Variants in AGPAT3 observed in about 807,000 individuals in gnomAD.
AGPAT3 encodes 1-acylglycerol-3-phosphate O-acyltransferase 3, also known as 1-acyl-sn-glycerol-3-phosphate acyltransferase gamma.
A neutral mutation model predicts 47.3 loss-of-function variants in AGPAT3; 5 were observed. The observed-to-expected ratio is 0.11, with a 90% CI of 0.06 to 0.22. AGPAT3 has a LOEUF of 0.22. Ranked by LOEUF, AGPAT3 falls within the 10% of genes least tolerant of loss-of-function variation. AGPAT3 has a pLI of 1.00. For synonymous variants in AGPAT3, 212 were observed against 208.3 expected (o/e 1.02, Z -0.15); for missense variants, 315 against 493.0 (o/e 0.64, Z 3.42).
At chr21:43,870,532 T>C (rs1331930452) in intron 1 of AGPAT3, among the ~76,000 whole-genome samples, 2 of 150,802 alleles carry the variant, frequency 1.3e-5, no homozygotes, top group Non-Finnish European at 2.9e-5. Context: ...GCCAACATGA[T>C]GAAACCCCAT....
intron 1 of AGPAT3, among the ~76,000 whole-genome samples, chr21:43,871,457 T>A (rs941814418): frequency 3.0e-4 from 45 of 152,380 alleles, no homozygotes; most frequent in African/African-American, 1.1e-3. Context: ...GTTTTCAGAA[T>A]GCATCCATAC....
intron 2 of AGPAT3, among the ~76,000 whole-genome samples, chr21:43,914,562 T>G (rs1390814097): frequency 1.3e-5 from 2 of 151,842 alleles, no homozygotes. Context: ...TGTTTTGTTT[T>G]GTTTTAGAGC....
At chr21:43,876,541 C>G (rs1036576745) in intron 1 of AGPAT3, among the ~76,000 whole-genome samples, 1 of 152,192 alleles carries the variant, frequency 6.6e-6, no homozygotes, top group Non-Finnish European at 1.5e-5. Flanking sequence ...AAGGGGATGT[C>G]TAAAGACATA....
At chr21:43,906,022 T>C (rs1457109155) in intron 2 of AGPAT3, among the ~76,000 whole-genome samples, 2 of 152,198 alleles carry the variant, frequency 1.3e-5, no homozygotes, top group African/African-American at 2.4e-5. Flanking sequence ...GGAGGACATT[T>C]TGAGAAGATG....
chr21:43,882,990 C>A (rs1321860323), intron 1 of AGPAT3, among the ~76,000 whole-genome samples: 1 of 152,250 alleles, frequency 6.6e-6, no homozygotes, highest in Non-Finnish European at 1.5e-5. Context: ...CACCTCCACG[C>A]AGGCCTGGAA....
chr21:43,980,848 G>C (rs1465689689), intron 8 of AGPAT3, 141 bp from the exon 9 acceptor site: 2 of 792,958 alleles, frequency 2.5e-6, no homozygotes, highest in Non-Finnish European at 2.0e-6. Context: ...TGCACCTGCA[G>C]CTTCTGTGAT....
chr21:43,942,710 C>T (rs1325035409), intron 2 of AGPAT3, among the ~76,000 whole-genome samples: 5 of 152,336 alleles, frequency 3.3e-5, no homozygotes, highest in African/African-American at 7.2e-5. Flanking sequence ...CCTGCAGCCA[C>T]GCCTGCCCGC....
intron 2 of AGPAT3, among the ~76,000 whole-genome samples, chr21:43,905,924 G>T (rs534384182): frequency 1.1e-4 from 17 of 152,328 alleles, no homozygotes; most frequent in South Asian, 2.1e-4. Context: ...AGGGTGTGGC[G>T]CACGTGGGCT....
intron 1 of AGPAT3, among the ~76,000 whole-genome samples, chr21:43,879,173 A>G (rs1017123965): frequency 1.3e-5 from 2 of 151,906 alleles, no homozygotes; most frequent in Non-Finnish European, 1.5e-5. Flanking sequence ...AACATAGCAA[A>G]ACCCTGTCTC....
chr21:43,875,458 C>G lies in AGPAT3; in HGVS notation c.-112+10113C>G, dbSNP rs556668894. The stretch of plus-strand genomic sequence containing the variant: ...TCAACCATACAGCATCTGCCTTATG[C>G]TTTGCTTTCTCATACCATCCTCCCA... On this transcript the variant is annotated intron_variant, in intron 1 of 9. Coordinates refer to ENST00000291572, the MANE Select transcript of AGPAT3 (RefSeq NM_020132.5). Among the ~76,000 whole-genome samples the G allele has an allele frequency of 2.0e-5, 3 of 152,318 alleles. No homozygotes were observed. The South Asian group carries it at 6.2e-4, about 32-fold the overall frequency.
intron 1 of AGPAT3, among the ~76,000 whole-genome samples, chr21:43,871,823 G>C (rs1286340334): frequency 6.6e-6 from 1 of 152,118 alleles, no homozygotes. Context: ...GCTGTAATGT[G>C]TGCATTATAT....
chr21:43,916,089 G>A (rs183602003), intron 2 of AGPAT3, among the ~76,000 whole-genome samples: 1 of 152,234 alleles, frequency 6.6e-6, no homozygotes, highest in East Asian at 1.9e-4. Flanking sequence ...CTAATTTCTA[G>A]GGAATATTGT....
chr21:43,938,055 G>A (rs1439439196), intron 2 of AGPAT3, among the ~76,000 whole-genome samples: 1 of 151,848 alleles, frequency 6.6e-6, no homozygotes, highest in Non-Finnish European at 1.5e-5. Context: ...TGTCTGGTGG[G>A]AGGGCTGCAT....
intron 2 of AGPAT3, among the ~76,000 whole-genome samples, chr21:43,956,934 C>G (rs2088497677): frequency 6.6e-6 from 1 of 152,222 alleles, no homozygotes; most frequent in Non-Finnish European, 1.5e-5. Flanking sequence ...ATGCAATGAC[C>G]AAGTCCAGGC....
chr21:43,936,016 G>C (rs1052924958), intron 2 of AGPAT3, among the ~76,000 whole-genome samples: 10 of 152,236 alleles, frequency 6.6e-5, no homozygotes, highest in African/African-American at 1.9e-4. Context: ...GCAAGGCCTA[G>C]GCCCCACTGC....
intron 2 of AGPAT3, among the ~76,000 whole-genome samples, chr21:43,948,687 A>G (rs1391358693): frequency 6.6e-6 from 1 of 152,246 alleles, no homozygotes; most frequent in Non-Finnish European, 1.5e-5. Context: ...TTGGTTGAGA[A>G]AACAGGCAAT....
At position 43,939,246 on chromosome 21, in the gene AGPAT3, A is replaced by G. The variant is rs1288910736; in HGVS notation, c.-48-20388A>G. Among the ~76,000 whole-genome samples the G allele has an allele frequency of 6.6e-6, 1 of 151,802 alleles. No individual in the cohort carries two copies. The highest frequency in any genetic ancestry group is 2.4e-5 in the African/African-American group (1 of 41,292). On this transcript the variant is annotated intron_variant, in intron 2 of 9. Transcript: ENST00000291572. This position sits in a 1 kb window ranked among gnomAD's most constrained non-coding sequence, Gnocchi z 4.4. Reference sequence around the variant, plus strand: ...CTCCAGGGGGCGCTCCCTTAGGAACACCCCATCCCCGTCCCCGTGTGCTGT... The same window carrying G: ...CTCCAGGGGGCGCTCCCTTAGGAACGCCCCATCCCCGTCCCCGTGTGCTGT...
intron 2 of AGPAT3, among the ~76,000 whole-genome samples, chr21:43,948,930 C>T (rs186874639): frequency 2.0e-5 from 3 of 152,328 alleles, no homozygotes; most frequent in East Asian, 1.9e-4. Context: ...GACAGCTGCT[C>T]CTAGTCAGTG....
chr21:43,960,010 C>A, intron 3 of AGPAT3, 151 bp downstream of exon 3: 1 of 796,866 alleles, frequency 1.3e-6, no homozygotes, highest in Non-Finnish European at 2.0e-6. Flanking sequence ...TCGGAAGGCA[C>A]CTGGCTACCT....
Sources: gnomAD v4.1 joint callset for allele counts (sites outside exome capture counted in the v4.1 genomes callset) on GRCh38, gnomAD v4.1.1 for gene constraint, Gnocchi (gnomAD v3.1) non-coding constraint, MANE v1.5 for transcripts, NCBI Gene and HGNC (gene_info 2026-07-23, HGNC 2026-07-21) for gene names.